The following SPOCK3 variants were observed in gnomAD, a reference collection of about 807,000 sequenced individuals.
The protein encoded by SPOCK3 is SPARC (osteonectin), cwcv and kazal like domains proteoglycan 3.
A neutral mutation model predicts 56.6 loss-of-function variants in SPOCK3; 30 were observed. The observed-to-expected ratio is 0.53, with a 90% CI of 0.40 to 0.72. The LOEUF is 0.72. Among genes scored for constraint, SPOCK3 ranks in the 30% least tolerant of loss-of-function variants. The probability of loss-of-function intolerance (pLI) is 0.00; values close to 1 mark genes in which losing one functional copy is unlikely to be tolerated. For missense variants in SPOCK3, 527 were observed against 530.0 expected, an observed-to-expected ratio of 0.99 and a Z score of 0.06; for synonymous variants, 196 against 183.3, an observed-to-expected ratio of 1.07 and a Z score of -0.56.
At chr4:166,774,632 C>T (rs946446517) in intron 7 of SPOCK3, among the ~76,000 whole-genome samples, 2 of 152,164 alleles carry the variant, frequency 1.3e-5, no homozygotes, top group Admixed American at 6.6e-5. Flanking sequence ...CAGCAACTTT[C>T]CTTTGACAAC....
intron 4 of SPOCK3, among the ~76,000 whole-genome samples, chr4:166,952,604 A>G (rs545379357): frequency 6.6e-6 from 1 of 152,174 alleles, no homozygotes; most frequent in Non-Finnish European, 1.5e-5. Context: ...ATATGGAACC[A>G]AAAAAGAGCC....
At chr4:166,752,569 TATATACACAC>T (rs1250474883) in intron 8 of SPOCK3, among the ~76,000 whole-genome samples, 77 of 9,020 alleles carry the variant, frequency 8.5e-3, no homozygotes, top group Admixed American at 0.028. Flanking sequence ...TATATATATA[TATATACACAC>T]ACACACACAC....
intron 2 of SPOCK3, among the ~76,000 whole-genome samples, chr4:167,093,872 C>T (rs1758920989): frequency 6.6e-6 from 1 of 152,052 alleles, no homozygotes; most frequent in African/African-American, 2.4e-5. Flanking sequence ...ACTCAATATG[C>T]AATCTTTGGT....
intron 2 of SPOCK3, among the ~76,000 whole-genome samples, chr4:167,106,985 A>G (rs1760220882): frequency 6.6e-6 from 1 of 151,934 alleles, no homozygotes; most frequent in Non-Finnish European, 1.5e-5. Flanking sequence ...CAGACCAATA[A>G]CAACTAATAA....
intron 6 of SPOCK3, among the ~76,000 whole-genome samples, chr4:166,874,143 C>G (rs1732817903): frequency 6.6e-6 from 1 of 152,008 alleles, no homozygotes; most frequent in Non-Finnish European, 1.5e-5. Flanking sequence ...AGAGGTTGTA[C>G]AAGTTTGCTA....
chr4:167,026,490 G>A lies in SPOCK3; in HGVS notation c.236-26027C>T, dbSNP rs1751707054. On this transcript the variant is annotated intron_variant, in intron 3 of 10. Transcript: ENST00000357545. ...TGAGACAGAGAAGACGATGACTGGT[G>A]TGACACCCTTTGCCAAATAAAATCA... Among the ~76,000 whole-genome samples, 4 of 152,182 alleles carry A rather than the reference G, an allele frequency of 2.6e-5. No homozygotes were observed. In the South Asian group the frequency reaches 6.2e-4, roughly 24 times the overall value.
At chr4:167,057,148 A>C (rs948285609) in intron 3 of SPOCK3, among the ~76,000 whole-genome samples, 1 of 152,230 alleles carries the variant, frequency 6.6e-6, no homozygotes, top group African/African-American at 2.4e-5. Context: ...TCTTAAAGAA[A>C]AGAATTTTCA....
At chr4:167,010,167 G>C (rs1749886095) in intron 3 of SPOCK3, among the ~76,000 whole-genome samples, 2 of 152,088 alleles carry the variant, frequency 1.3e-5, no homozygotes, top group Non-Finnish European at 2.9e-5. Context: ...ACGAGTTAAT[G>C]GCAAATCATG....
chr4:166,859,573 T>C (rs999011877), intron 6 of SPOCK3, among the ~76,000 whole-genome samples: 2 of 152,160 alleles, frequency 1.3e-5, no homozygotes, highest in Admixed American at 6.5e-5. Context: ...AGAGCATTTT[T>C]ATATTTGTAA....
intron 3 of SPOCK3, among the ~76,000 whole-genome samples, chr4:167,025,434 C>T (rs1751611599): frequency 6.6e-6 from 1 of 151,920 alleles, no homozygotes; most frequent in Non-Finnish European, 1.5e-5. Context: ...AATAAAATAA[C>T]GTGTGTACAA....
chr4:167,205,353 T>TATATTTTATATATA (rs1561321562), intron 2 of SPOCK3, among the ~76,000 whole-genome samples: 2 of 35,504 alleles, frequency 5.6e-5, no homozygotes, highest in African/African-American at 2.9e-4. Context: ...ATATATATAA[T>TATATTTTATATATA]ATATATATTA....
chr4:166,860,695 G>A (rs535077112), intron 6 of SPOCK3, among the ~76,000 whole-genome samples: 1 of 151,092 alleles, frequency 6.6e-6, no homozygotes, highest in South Asian at 2.1e-4. Flanking sequence ...TTATTACTAA[G>A]GGTTAATAAG....
At chr4:166,962,717 G>T (rs562685829) in intron 4 of SPOCK3, among the ~76,000 whole-genome samples, 1 of 152,084 alleles carries the variant, frequency 6.6e-6, no homozygotes, top group East Asian at 1.9e-4. Flanking sequence ...GACCCTACAA[G>T]GTCTCAGGGA....
intron 3 of SPOCK3, among the ~76,000 whole-genome samples, chr4:167,027,685 A>G (rs1561135604): frequency 6.6e-6 from 1 of 152,092 alleles, no homozygotes; most frequent in Admixed American, 6.6e-5. Context: ...CAGTAAAGTA[A>G]GCTAGAGAAA....
chr4:166,785,306 T>A (rs900669011), intron 7 of SPOCK3, among the ~76,000 whole-genome samples: 12 of 152,072 alleles, frequency 7.9e-5, no homozygotes, highest in African/African-American at 2.9e-4. Context: ...GTGTCGATTG[T>A]TAAAAAATAA....
intron 2 of SPOCK3, among the ~76,000 whole-genome samples, chr4:167,223,574 G>C (rs1736287368): frequency 6.6e-6 from 1 of 151,878 alleles, no homozygotes; most frequent in Non-Finnish European, 1.5e-5. Flanking sequence ...TACTAGCTGT[G>C]TGATCTTGGC....
intron 3 of SPOCK3, among the ~76,000 whole-genome samples, chr4:167,048,999 C>CT (rs1388885917): frequency 2.0e-5 from 3 of 151,986 alleles, no homozygotes; most frequent in South Asian, 2.1e-4. Context: ...AATCACTTAG[C>CT]TTTTTTTCAT....
intron 3 of SPOCK3, among the ~76,000 whole-genome samples, chr4:167,024,761 G>C (rs1048847637): frequency 6.6e-6 from 1 of 151,952 alleles, no homozygotes; most frequent in African/African-American, 2.4e-5. Context: ...CACTGCTCGG[G>C]TGGTGGGTCA....
chr4:166,940,581 C>G (rs950323472), intron 4 of SPOCK3, among the ~76,000 whole-genome samples: 10 of 151,640 alleles, frequency 6.6e-5, no homozygotes, highest in African/African-American at 2.2e-4. Context: ...TTTACCTGTC[C>G]TCAAACTGAC....
Sources: gnomAD v4.1 joint callset for allele counts (sites outside exome capture counted in the v4.1 genomes callset) on GRCh38, gnomAD v4.1.1 for gene constraint, MANE v1.5 for transcripts, NCBI Gene and HGNC (gene_info 2026-07-23, HGNC 2026-07-21) for gene names.